The following USP40 variants were observed in gnomAD, a reference collection of about 807,000 sequenced individuals.
USP40 encodes ubiquitin specific peptidase 40.
A neutral mutation model predicts 166.2 loss-of-function variants in USP40; 143 were observed. The observed-to-expected ratio is 0.86, with a 90% CI of 0.75 to 0.99. The LOEUF (loss-of-function observed/expected upper bound fraction) is 0.99, where lower values mean the gene tolerates loss of function less well. Ranked by LOEUF, USP40 falls within the 50% of genes least tolerant of loss-of-function variation. The pLI, the probability that USP40 is intolerant of heterozygous loss-of-function variation, is 0.00. For synonymous variants in USP40, 498 were observed against 524.0 expected, an observed-to-expected ratio of 0.95 and a Z score of 0.68; for missense variants, 1,444 against 1,479.7, an observed-to-expected ratio of 0.98 and a Z score of 0.40.
intron 2 of USP40, among the ~76,000 whole-genome samples, chr2:233,563,231 T>C (rs1406910505): frequency 1.3e-5 from 2 of 152,136 alleles, no homozygotes; most frequent in African/African-American, 4.8e-5. Context: ...CCCTTTTTTT[T>C]GGTGTGAAAA....
In USP40 at chr2:233,540,685, T is replaced by C. The variant is rs1559269537; in HGVS notation, c.1147A>G (p.Lys383Glu). ...IGISWNKKYR[K>E]QHGPLRKFLQ... ...ACCTTCCGCAGTGGTCCATGCTGTT[T>C]TCTGTACTTCTTGTTCCAAGATATT... is the stretch of plus-strand genomic sequence containing the variant. The change falls in exon 10 of 32, where the codon AAA becomes GAA. Residue 383 changes from lysine to glutamate, a missense_variant. By Grantham distance (56) the Lys-to-Glu change is moderately conservative. Coordinates refer to ENST00000678225, the MANE Select transcript of USP40 (RefSeq NM_001365479.2). 6.2e-7 allele frequency: 1 copy of C among 1,612,726 alleles called. No homozygotes were observed. Among genetic ancestry groups the C allele is most frequent in the Non-Finnish European group, 8.5e-7 (1 of 1,179,102 alleles).
intron 8 of USP40, chr2:233,546,779 G>C (rs868786250): frequency 3.9e-5 from 6 of 152,226 alleles, no homozygotes; most frequent in African/African-American, 1.4e-4. Context: ...AAGATAAGGG[G>C]AGTTTAAGGC....
chr2:233,514,917 CT>C (rs1171573651), intron 18 of USP40, among the ~76,000 whole-genome samples: 1 of 152,218 alleles, frequency 6.6e-6, no homozygotes, highest in Non-Finnish European at 1.5e-5. Context: ...GCCAATCCCT[CT>C]TCCTCCCTCC....
rs1288857729 is a variant in USP40, at chr2:233,533,563, T to C, written c.1387A>G (p.Lys463Glu). ...NDSKVQPIRE[K>E]DIEQQFQGKE... ...CCCTGAAATTGCTGTTCAATATCCTTTTCCCTGATTGGCTGGACTTTAGAA... is the reference window on the plus strand; with the variant it reads ...CCCTGAAATTGCTGTTCAATATCCTCTTCCCTGATTGGCTGGACTTTAGAA... The change falls in exon 11 of 32, where the codon AAG (lysine) becomes GAG (glutamate). Residue 463 changes from lysine to glutamate, a missense_variant. Coordinates refer to ENST00000678225, the MANE Select transcript of USP40 (RefSeq NM_001365479.2). 4.3e-6 allele frequency: 7 copies of C among 1,613,792 alleles called. No individual in the cohort carries two copies. Among genetic ancestry groups the C allele is most frequent in the Non-Finnish European group, 5.9e-6 (7 of 1,179,838 alleles).
At chr2:233,488,326 T>A (rs757770526) in intron 27 of USP40, 22 bp from the exon 28 acceptor site, 1 of 1,554,534 alleles carries the variant, frequency 6.4e-7, no homozygotes, top group Non-Finnish European at 8.8e-7. Context: ...TGAAACAAGA[T>A]AATATTGAGT....
At chr2:233,541,158 A>G (rs1287445790) in intron 9 of USP40, among the ~76,000 whole-genome samples, 1 of 152,232 alleles carries the variant, frequency 6.6e-6, no homozygotes, top group African/African-American at 2.4e-5. Context: ...AAATGTTTTG[A>G]AGTATAAACA....
intron 14 of USP40, among the ~76,000 whole-genome samples, chr2:233,524,845 A>G (rs1405379382): frequency 1.3e-5 from 2 of 152,202 alleles, no homozygotes; most frequent in Non-Finnish European, 2.9e-5. Flanking sequence ...TAAGCATGGA[A>G]TGGTCCCAAC....
intron 21 of USP40, among the ~76,000 whole-genome samples, chr2:233,500,293 T>C (rs544198335): frequency 2.0e-4 from 30 of 152,282 alleles, no homozygotes; most frequent in Admixed American, 1.6e-3. Context: ...AAAGGCGAGA[T>C]TGATAGCATT....
intron 26 of USP40, 166 bp downstream of exon 26, chr2:233,491,001 C>T: frequency 2.8e-6 from 2 of 720,564 alleles, no homozygotes; most frequent in South Asian, 1.5e-5. Flanking sequence ...GCCGTCTGCA[C>T]CATGGGCGTG....
In USP40 at chr2:233,539,995, C is replaced by T. The variant is rs1289072640; in HGVS notation, c.1170+667G>A. Among the ~76,000 whole-genome samples the T allele has an allele frequency of 2.6e-5, 4 of 151,674 alleles. No homozygotes were observed. The East Asian group carries it at 7.7e-4, about 29-fold the overall frequency. ...CAAAAATTAGCTAGGTGCAGTGTCACATGCCTGTAGTCCCAGCTACTCAGG... is the reference window on the plus strand; with the variant it reads ...CAAAAATTAGCTAGGTGCAGTGTCATATGCCTGTAGTCCCAGCTACTCAGG... On this transcript the variant is annotated intron_variant, in intron 10 of 31. Coordinates refer to ENST00000678225, the MANE Select transcript of USP40 (RefSeq NM_001365479.2).
chr2:233,558,693 G>C (rs972828906), intron 4 of USP40, among the ~76,000 whole-genome samples: 15 of 152,200 alleles, frequency 9.9e-5, no homozygotes, highest in Admixed American at 9.8e-4. Context: ...AGTGATGGTT[G>C]AACAACTCTG....
rs775591415 is a variant in USP40, at chr2:233,477,083, CGTT to C, written c.*306_*308del. On this transcript the variant is annotated 3_prime_UTR_variant, in exon 32 of 32. Transcript: ENST00000678225. ...CCTCCATACCTGCGGTTCACGCACA[CGTT>C]GTGCATTTTCTGGTTAAAAGAAAAA... 2.3e-5 allele frequency: 9 copies of C among 387,976 alleles called. No individual in the cohort carries two copies. The highest frequency in any genetic ancestry group is 1.1e-4 in the Admixed American group (3 of 27,278). The allele number at this position is 387,976 out of a possible 1,614,324, so 24.0% of individuals were successfully genotyped here.
intron 25 of USP40, 83 bp from the exon 26 acceptor site, chr2:233,491,344 T>G (rs1165981340): frequency 2.0e-6 from 2 of 999,856 alleles, no homozygotes; most frequent in Non-Finnish European, 3.1e-6. Flanking sequence ...GTTTTGATAT[T>G]GTAAATAGGT....
chr2:233,551,340 G>C, intron 7 of USP40, 36 bp downstream of exon 7: 1 of 1,560,604 alleles, frequency 6.4e-7, no homozygotes, highest in Non-Finnish European at 8.6e-7. Flanking sequence ...TCTTGAGAGG[G>C]GAAAAGAAAG....
At chr2:233,518,734 G>A (rs1575278014) in intron 18 of USP40, among the ~76,000 whole-genome samples, 1 of 152,054 alleles carries the variant, frequency 6.6e-6, no homozygotes, top group East Asian at 1.9e-4. Flanking sequence ...AAATGACCCA[G>A]CAATTCCAAT....
Position 233,510,091 on chromosome 2 carries a change from T to C in USP40, c.2571A>G (p.Thr857=). ...FAMGSDVQPG[T]EMEIVVEETI... is the part of the protein sequence containing the mutation. ...TTTCTTCTACTACGATTTCCATTTCTGTCCCAGGTTGAACGTCACTCCCCA... is the reference window on the plus strand; with the variant it reads ...TTTCTTCTACTACGATTTCCATTTCCGTCCCAGGTTGAACGTCACTCCCCA... Residue 857 remains threonine (T), a synonymous_variant, in exon 21 of 32, where the codon ACA becomes ACG. Transcript: ENST00000678225. The C allele has an allele frequency of 6.2e-7, 1 of 1,604,080 alleles. No homozygotes were observed. The highest frequency in any genetic ancestry group is 8.5e-7 in the Non-Finnish European group (1 of 1,174,776).
chr2:233,478,581 C>T (rs1333907375), intron 31 of USP40, among the ~76,000 whole-genome samples: 1 of 152,164 alleles, frequency 6.6e-6, no homozygotes, highest in Non-Finnish European at 1.5e-5. Context: ...AATTCCATTG[C>T]AGAAATCTGT....
chr2:233,508,138 T>C (rs1436464298), intron 21 of USP40, among the ~76,000 whole-genome samples: 1 of 152,188 alleles, frequency 6.6e-6, no homozygotes, highest in Non-Finnish European at 1.5e-5. Flanking sequence ...CATCTGTAAA[T>C]ATTTATTATG....
rs556069707 is a variant in USP40, at chr2:233,524,569, A to T, written c.1811-7T>A. ...CACAGTGTCAGTTCATCCCCTAGAA[A>T]GAGATCACCAGTGAGACCATTCATC... is the stretch of plus-strand genomic sequence containing the variant. On this transcript the variant is annotated splice_polypyrimidine_tract_variant and splice_region_variant and intron_variant, in intron 14 of 31. Coordinates refer to ENST00000678225, the MANE Select transcript of USP40 (RefSeq NM_001365479.2). 2 of 1,588,764 alleles carry T rather than the reference A, an allele frequency of 1.3e-6. No homozygotes were observed. Among genetic ancestry groups the T allele is most frequent in the East Asian group, 4.7e-5 (2 of 42,632 alleles).
Sources: allele counts gnomAD v4.1 joint callset (sites outside exome capture counted in the v4.1 genomes callset), GRCh38; gene constraint gnomAD v4.1.1; transcripts MANE v1.5; gene names NCBI Gene and HGNC (gene_info 2026-07-23, HGNC 2026-07-21).